The following SKIC8 variants were observed in gnomAD, a reference collection of about 807,000 sequenced individuals.
SKIC8 encodes the protein superkiller complex protein 8.
the SKIC8 span, chr15:78,290,235 G>T: frequency 1.1e-6 from 1 of 912,426 alleles, no homozygotes; most frequent in Non-Finnish European, 1.6e-6. Flanking sequence ...ATGTTGTAAA[G>T]ATGCTAATTC....
chr15:78,297,570 G>A, the SKIC8 span, among the ~76,000 whole-genome samples: 1 of 152,142 alleles, frequency 6.6e-6, no homozygotes, highest in African/African-American at 2.4e-5. Context: ...GTTGCAATGA[G>A]CTTACACAAT....
At chr15:78,293,328 C>G in the SKIC8 span, 3 of 1,466,316 alleles carry the variant, frequency 2.0e-6, no homozygotes, top group Non-Finnish European at 1.9e-6. Context: ...TTAATGAAGC[C>G]GAGATACTGT....
the SKIC8 span, chr15:78,288,469 T>G: frequency 1.6e-6 from 2 of 1,287,608 alleles, no homozygotes; most frequent in Non-Finnish European, 2.2e-6. Context: ...TTAATGATTA[T>G]GAGCCACTGA....
chr15:78,298,740 G>C, the SKIC8 span, among the ~76,000 whole-genome samples: 1 of 152,168 alleles, frequency 6.6e-6, no homozygotes, highest in East Asian at 1.9e-4. Flanking sequence ...AAGTCAGTCA[G>C]GGTCCTTCAC....
At chr15:78,289,662 A>G in the SKIC8 span, 1 of 1,614,174 alleles carries the variant, frequency 6.2e-7, no homozygotes, top group Non-Finnish European at 8.5e-7. Flanking sequence ...TATCAAAAAT[A>G]TTGATGATTC....
At chr15:78,294,692 G>A in the SKIC8 span, 7 of 429,382 alleles carry the variant, frequency 1.6e-5, no homozygotes, top group East Asian at 1.5e-4. Flanking sequence ...TTCCTCAGGT[G>A]GAAAAATTTT....
the SKIC8 span, chr15:78,288,862 A>C: frequency 2.3e-6 from 1 of 429,420 alleles, no homozygotes; most frequent in East Asian, 7.2e-5. Flanking sequence ...TTAGCTACCC[A>C]GTCCTCCTTT....
At chr15:78,288,870 T>A in the SKIC8 span, 1 of 435,582 alleles carries the variant, frequency 2.3e-6, no homozygotes, top group Admixed American at 2.8e-5. Flanking sequence ...CCAGTCCTCC[T>A]TTCCAGAGGC....
At chr15:78,295,140 G>A in the SKIC8 span, 1 of 721,552 alleles carries the variant, frequency 1.4e-6, no homozygotes, top group Non-Finnish European at 2.3e-6. Flanking sequence ...ATTCATGCAA[G>A]ATTTGTACAG....
the SKIC8 span, chr15:78,292,588 T>C: frequency 6.2e-7 from 1 of 1,613,954 alleles, no homozygotes; most frequent in Non-Finnish European, 8.5e-7. Flanking sequence ...TGAACCTCTA[T>C]TATCTCCCCT....
chr15:78,299,207 A>G, the SKIC8 span, among the ~76,000 whole-genome samples: 1 of 152,114 alleles, frequency 6.6e-6, no homozygotes, highest in South Asian at 2.1e-4. Flanking sequence ...CACGCTACCT[A>G]AGACAGCGTG....
the SKIC8 span, among the ~76,000 whole-genome samples, chr15:78,299,137 T>C: frequency 6.6e-6 from 1 of 152,198 alleles, no homozygotes; most frequent in Admixed American, 6.5e-5. Flanking sequence ...GCACGGTACT[T>C]GGCGTAAAGC....
At chr15:78,286,315 A>ATT in the SKIC8 span, 1 of 574,296 alleles carries the variant, frequency 1.7e-6, no homozygotes, top group Middle Eastern at 4.1e-4. Context: ...TTAGAGACAA[A>ATT]TTTTAATAGT....
At chr15:78,296,567 G>A in the SKIC8 span, among the ~76,000 whole-genome samples, 2 of 28,388 alleles carry the variant, frequency 7.0e-5, no homozygotes, top group African/African-American at 1.5e-4. Context: ...CTGGAGTGCA[G>A]TGGCACAATC....
chr15:78,290,067 A>AATC, the SKIC8 span: 1 of 1,614,146 alleles, frequency 6.2e-7, no homozygotes, highest in Non-Finnish European at 8.5e-7. Flanking sequence ...AGATACTGGG[A>AATC]ATCAGGAGAA....
the SKIC8 span, chr15:78,295,067 C>A: frequency 6.9e-7 from 1 of 1,459,076 alleles, no homozygotes; most frequent in South Asian, 1.2e-5. Context: ...TAGACAGAGT[C>A]ACCACAGTGT....
At chr15:78,292,688 A>T in the SKIC8 span, 1 of 1,614,068 alleles carries the variant, frequency 6.2e-7, no homozygotes, top group Non-Finnish European at 8.5e-7. Context: ...GCATCAAGAG[A>T]GCTGGATGCA....
the SKIC8 span, chr15:78,295,069 C>A: frequency 1.4e-6 from 2 of 1,443,562 alleles, no homozygotes; most frequent in Non-Finnish European, 1.9e-6. Context: ...GACAGAGTCA[C>A]CACAGTGTTA....
At chr15:78,283,430 G>A in the SKIC8 span, 6 of 1,611,666 alleles carry the variant, frequency 3.7e-6, no homozygotes, top group East Asian at 8.9e-5. Flanking sequence ...AGACTTTGAT[G>A]TTTAAATTGG....
Sources: gnomAD v4.1 joint callset for allele counts (sites outside exome capture counted in the v4.1 genomes callset) on GRCh38, gnomAD v4.1.1 for gene constraint, MANE v1.5 for transcripts, NCBI Gene and HGNC (gene_info 2026-07-23, HGNC 2026-07-21) for gene names.